Variants in BRWD3 observed in about 807,000 individuals in gnomAD.
The protein encoded by BRWD3 is bromodomain and WD repeat domain containing 3.
In BRWD3, 10 loss-of-function variants were observed where a neutral mutation model predicts 149.7. The ratio of observed to expected loss-of-function variants is 0.07; its 90% CI spans 0.04 to 0.11. BRWD3 has a LOEUF of 0.11. Among genes scored for constraint, BRWD3 ranks in the 10% least tolerant of loss-of-function variants. The probability of loss-of-function intolerance (pLI) is 1.00; values close to 1 mark genes in which losing one functional copy is unlikely to be tolerated. For synonymous variants in BRWD3, 504 were observed against 456.7 expected (o/e 1.10, Z -1.32); for missense variants, 940 against 1,373.2 (o/e 0.68, Z 4.99).
Position 80,809,422 on chromosome X carries a change from C to G in BRWD3, c.31+19G>C. On this transcript the variant is annotated intron_variant, in intron 1 of 40. Coordinates refer to ENST00000373275, the MANE Select transcript of BRWD3 (RefSeq NM_153252.5). Reference sequence around the variant, plus strand: ...CCCATTCCCTTAGCACCCCCCCACCCCCCGACACAGCTACCCACCGGCTTC... The same window carrying G: ...CCCATTCCCTTAGCACCCCCCCACCGCCCGACACAGCTACCCACCGGCTTC... 8.6e-7 allele frequency: 1 copy of G among 1,160,909 alleles called. No individual in the cohort carries two copies. Among genetic ancestry groups the G allele is most frequent in the Non-Finnish European group, 1.2e-6 (1 of 865,947 alleles).
At chrX:80,688,254 AC>A in intron 33 of BRWD3, 129 bp from the exon 34 acceptor site, 4 of 543,495 alleles carry the variant, frequency 7.4e-6, no homozygotes, top group Non-Finnish European at 1.3e-5. Context: ...AGCAAGTAGA[AC>A]AAAAGATAGA....
intron 14 of BRWD3, among the ~76,000 whole-genome samples, chrX:80,725,901 T>C (rs1398749687): frequency 9.0e-6 from 1 of 111,100 alleles, no homozygotes. Flanking sequence ...ATAACATGTT[T>C]ACATATGTTA....
intron 14 of BRWD3, among the ~76,000 whole-genome samples, chrX:80,725,647 CA>C (rs1319530747): frequency 1.8e-5 from 2 of 111,274 alleles, no homozygotes; most frequent in Non-Finnish European, 3.8e-5. Context: ...TAACATATAA[CA>C]TGTTTACATG....
At chrX:80,764,668 T>C (rs762361526) in intron 6 of BRWD3, among the ~76,000 whole-genome samples, 11 of 110,223 alleles carry the variant, frequency 1.0e-4, no homozygotes, top group African/African-American at 3.6e-4. Context: ...AAAGGGAAAA[T>C]TGGTAAACAG....
chrX:80,682,511 G>A lies in BRWD3; in HGVS notation c.4351C>T (p.Arg1451Cys), dbSNP rs775381186. 9.1e-6 allele frequency: 11 copies of A among 1,208,253 alleles called. No individual in the cohort carries two copies. The highest frequency in any genetic ancestry group is 8.8e-5 in the Admixed American group (4 of 45,554). ...QKRRRPRYRKRLRSSSSSLSS... is the reference protein window; with the variant it reads ...QKRRRPRYRKCLRSSSSSLSS... ...AATGAACTGCTGCTGCTTCTTAGAC[G>A]TTTTCTGTACCGTGGCCTTCTCCTC... Residue 1451 changes from arginine to cysteine, a missense_variant, in exon 38 of 41, where the codon CGT (arginine) becomes TGT (cysteine). Physicochemically the swap from Arg to Cys is radical, Grantham distance 180. Around this residue, in one of 6 missense-constraint regions of BRWD3, gnomAD observed 349 missense variants for 419.6 expected, o/e 0.83. Transcript: ENST00000373275.
At chrX:80,681,632 TATGA>T (rs1015181055) in intron 39 of BRWD3, 133 bp from the exon 40 acceptor site, 25 of 551,758 alleles carry the variant, frequency 4.5e-5, no homozygotes, top group Non-Finnish European at 6.9e-5. Flanking sequence ...AAGAAAATGA[TATGA>T]ATATTTTGAG....
At chrX:80,768,208 C>T (rs1032491868) in intron 6 of BRWD3, among the ~76,000 whole-genome samples, 10 of 111,057 alleles carry the variant, frequency 9.0e-5, no homozygotes, top group Admixed American at 1.9e-4. Context: ...GGAGAGCATT[C>T]AAATTCAGGA....
chrX:80,698,122 C>G (rs774191113), intron 25 of BRWD3, among the ~76,000 whole-genome samples: 12 of 111,976 alleles, frequency 1.1e-4, no homozygotes, highest in African/African-American at 3.6e-4. Context: ...TAAGAAGTGT[C>G]TGTTCATGTC....
At chrX:80,729,766 G>A (rs1602363628) in intron 13 of BRWD3, 150 bp downstream of exon 13, 1 of 449,158 alleles carries the variant, frequency 2.2e-6, no homozygotes. Flanking sequence ...CAGTAACGAA[G>A]ATTTGCTTAG....
At chrX:80,748,327 T>C (rs2073621612) in intron 6 of BRWD3, among the ~76,000 whole-genome samples, 1 of 112,394 alleles carries the variant, frequency 8.9e-6, no homozygotes, top group Non-Finnish European at 1.9e-5. Context: ...GCATCTATTC[T>C]CAAAAGGGAT....
intron 20 of BRWD3, among the ~76,000 whole-genome samples, chrX:80,712,970 A>T (rs2073009158): frequency 9.1e-6 from 1 of 109,723 alleles, no homozygotes; most frequent in South Asian, 4.0e-4. Flanking sequence ...CCCGTCTGGG[A>T]AGTGAGGAGC....
At chrX:80,802,913 G>A (rs943213666) in intron 4 of BRWD3, among the ~76,000 whole-genome samples, 9 of 110,398 alleles carry the variant, frequency 8.2e-5, no homozygotes, top group Non-Finnish European at 1.1e-4. Context: ...AGACCATCCT[G>A]GCTAACACGG....
rs1471896145 is a variant in BRWD3 at position 80,670,785 on chromosome X, C to G, written c.*5824G>C. The G allele has an allele frequency of 9.0e-6, 1 of 111,159 alleles. No individual in the cohort carries two copies. The highest frequency in any genetic ancestry group is 1.9e-5 in the Non-Finnish European group (1 of 53,030). The allele number at this position is 111,159 out of a possible 1,213,427, so 9.2% of individuals were successfully genotyped here. A position where few individuals can be genotyped will look rare whatever the true frequency, so the allele number is the denominator to read the frequency against. ...AGAGGGCTATCTCTAACCAATTAAG[C>G]AACTAAACAAAAATACCAAACAACT... On this transcript the variant is annotated 3_prime_UTR_variant, in exon 41 of 41. Coordinates refer to ENST00000373275, the MANE Select transcript of BRWD3 (RefSeq NM_153252.5).
intron 6 of BRWD3, among the ~76,000 whole-genome samples, chrX:80,783,108 G>A (rs2074072211): frequency 9.0e-6 from 1 of 110,869 alleles, no homozygotes; most frequent in South Asian, 3.8e-4. Context: ...TATGAGGGGC[G>A]GGTGCAGTGG....
chrX:80,697,435 TG>T (rs1250722712), intron 25 of BRWD3, among the ~76,000 whole-genome samples: 5 of 111,295 alleles, frequency 4.5e-5, no homozygotes, highest in African/African-American at 1.6e-4. Context: ...TAGTAACCAC[TG>T]TAACAAATAG....
chrX:80,760,826 G>T (rs766408963), intron 6 of BRWD3, among the ~76,000 whole-genome samples: 28 of 111,642 alleles, frequency 2.5e-4, no homozygotes, highest in African/African-American at 7.8e-4. Context: ...TAAAATATTA[G>T]TATTAGAAAA....
intron 2 of BRWD3, 22 bp downstream of exon 2, chrX:80,809,224 C>G (rs752878397): frequency 2.5e-6 from 3 of 1,193,633 alleles, no homozygotes; most frequent in Non-Finnish European, 3.4e-6. Flanking sequence ...CCACGACTCC[C>G]AGATCTCTTT....
chrX:80,762,532 T>C (rs982195819), intron 6 of BRWD3, among the ~76,000 whole-genome samples: 2 of 107,324 alleles, frequency 1.9e-5, no homozygotes, highest in Non-Finnish European at 3.8e-5. Context: ...AGTGCCTACT[T>C]AATAGCAGGA....
At chrX:80,726,320 CAT>C (rs1356488442) in intron 14 of BRWD3, among the ~76,000 whole-genome samples, 24 of 100,846 alleles carry the variant, frequency 2.4e-4, no homozygotes, top group East Asian at 9.5e-4. Flanking sequence ...GTCTGTATAA[CAT>C]ATAACATGTT....
Sources: gnomAD v4.1 joint callset for allele counts (sites outside exome capture counted in the v4.1 genomes callset) on GRCh38, gnomAD v4.1.1 for gene constraint, gnomAD v4.1.1 regional missense constraint, MANE v1.5 for transcripts, NCBI Gene and HGNC (gene_info 2026-07-23, HGNC 2026-07-21) for gene names.